The following BLVRB variants were observed in gnomAD, a reference collection of about 807,000 sequenced individuals.
The protein encoded by BLVRB is biliverdin reductase B.
A neutral mutation model predicts 21.1 loss-of-function variants in BLVRB; 25 were observed. That is an observed-to-expected ratio of 1.19 (90% CI 0.86 to 1.66). BLVRB has a LOEUF of 1.66. Among genes scored for constraint, BLVRB ranks in the 40% most tolerant of loss-of-function variants. The pLI is 0.00. For missense variants in BLVRB, 274 were observed against 282.7 expected (o/e 0.97, Z 0.22); for synonymous variants, 128 against 122.2 (o/e 1.05, Z -0.31).
chr19:40,461,673 TGTATTTTTA>T (rs1254782361), intron 1 of BLVRB, among the ~76,000 whole-genome samples: 8 of 151,918 alleles, frequency 5.3e-5, no homozygotes, highest in Admixed American at 1.3e-4. Flanking sequence ...CTAATTTTTT[TGTATTTTTA>T]GTAGAGATGG....
chr19:40,458,658 G>C, intron 1 of BLVRB, 113 bp from the exon 2 acceptor site: 5 of 1,322,890 alleles, frequency 3.8e-6, no homozygotes, highest in Non-Finnish European at 5.0e-6. Context: ...CCTCTGTTCT[G>C]GGGAAGTGGT....
intron 1 of BLVRB, among the ~76,000 whole-genome samples, chr19:40,461,683 G>T (rs2079788410): frequency 6.6e-6 from 1 of 151,714 alleles, no homozygotes. Context: ...TGTATTTTTA[G>T]TAGAGATGGG....
chr19:40,456,265 A>G (rs2079761805), intron 3 of BLVRB, among the ~76,000 whole-genome samples: 1 of 152,034 alleles, frequency 6.6e-6, no homozygotes. Flanking sequence ...TCATTTCCAG[A>G]TAAAAAGTTA....
chr19:40,450,280 C>G (rs537510614), intron 4 of BLVRB: 2 of 127,284 alleles, frequency 1.6e-5, no homozygotes, highest in Non-Finnish European at 3.2e-5. Flanking sequence ...CCGAGGCGGG[C>G]GGATCACAAG....
chr19:40,450,233 C>G (rs557163057), intron 4 of BLVRB: 1 of 106,086 alleles, frequency 9.4e-6, no homozygotes, highest in Non-Finnish European at 1.9e-5. Context: ...AAGCCAGGCG[C>G]AGTGGCTCAC....
chr19:40,452,838 T>G (rs2079745909), intron 3 of BLVRB, among the ~76,000 whole-genome samples: 1 of 150,556 alleles, frequency 6.6e-6, no homozygotes, highest in Admixed American at 6.6e-5. Context: ...GCACTCCAGC[T>G]TGGGAGACAG....
Position 40,447,831 on chromosome 19 carries a change from C to A in BLVRB, c.*58G>T. 1 of 1,570,606 alleles carries A rather than the reference C, an allele frequency of 6.4e-7. No homozygotes were observed. The highest frequency in any genetic ancestry group is 8.7e-7 in the Non-Finnish European group (1 of 1,147,266). ...GAAGCTCTTGGCTCAACATTTATTG[C>A]CCCCTTCCTTTGCTCCTCATGTCCC... On this transcript the variant is annotated 3_prime_UTR_variant, in exon 5 of 5. Transcript: ENST00000263368.
intron 1 of BLVRB, among the ~76,000 whole-genome samples, chr19:40,459,666 G>A (rs1397758776): frequency 1.3e-5 from 2 of 152,074 alleles, no homozygotes; most frequent in Non-Finnish European, 2.9e-5. Context: ...CGCCTCCCAA[G>A]TTCAAGCGAT....
At position 40,448,010 on chromosome 19, in the gene BLVRB, A is replaced by G. The variant is rs1272603636; in HGVS notation, c.500T>C (p.Leu167Pro). ...QPLTGAYTVT[L>P]DGRGPSRVIS... is the part of the protein sequence containing the mutation. ...GACCCTTGAGGGCCCTCGTCCATCC[A>G]GGGTCACTGTGTACGCCCCAGTTAG... Residue 167 changes from leucine to proline, a missense_variant, in exon 5 of 5, where the codon CTG becomes CCG. Leu to Pro is a moderately conservative substitution (Grantham distance 98, BLOSUM62 -3). Coordinates refer to ENST00000263368, the MANE Select transcript of BLVRB (RefSeq NM_000713.3). The G allele has an allele frequency of 3.1e-6, 5 of 1,613,976 alleles. No homozygotes were observed. The highest frequency in any genetic ancestry group is 4.2e-6 in the Non-Finnish European group (5 of 1,180,018).
intron 1 of BLVRB, among the ~76,000 whole-genome samples, chr19:40,463,202 G>C (rs1568741495): frequency 6.6e-6 from 1 of 152,048 alleles, no homozygotes; most frequent in African/African-American, 2.4e-5. Context: ...AGGCAACCGG[G>C]CCAGGATCAC....
At chr19:40,453,987 C>T (rs541057010) in intron 3 of BLVRB, among the ~76,000 whole-genome samples, 8 of 152,088 alleles carry the variant, frequency 5.3e-5, no homozygotes, top group African/African-American at 1.4e-4. Context: ...CTTGTCTCAA[C>T]AAAAAGAAAT....
At chr19:40,448,954 G>T (rs1396914591) in intron 4 of BLVRB, among the ~76,000 whole-genome samples, 1 of 152,090 alleles carries the variant, frequency 6.6e-6, no homozygotes, top group African/African-American at 2.4e-5. Flanking sequence ...GAGTGTGGTG[G>T]CTTATGCCTG....
intron 1 of BLVRB, among the ~76,000 whole-genome samples, chr19:40,463,928 C>T (rs375932961): frequency 1.3e-4 from 19 of 151,918 alleles, no homozygotes; most frequent in African/African-American, 3.9e-4. Context: ...CCACCATGCC[C>T]GGCTAATTTT....
chr19:40,455,392 T>C (rs2079758137), intron 3 of BLVRB, among the ~76,000 whole-genome samples: 1 of 152,234 alleles, frequency 6.6e-6, no homozygotes, highest in Admixed American at 6.5e-5. Context: ...CGAAGGTGTC[T>C]GTGGGTGTGC....
Position 40,452,556 on chromosome 19 carries a change from G to A in BLVRB, c.335-1064C>T, listed in dbSNP as rs905040423. The stretch of plus-strand genomic sequence containing the variant: ...AGTGCAATGGCATGATACCGGCCAA[G>A]CCTGGCTAATTTAAAAAATTTTTTT... On this transcript the variant is annotated intron_variant, in intron 3 of 4. Transcript: ENST00000263368. Among the ~76,000 whole-genome samples the A allele has an allele frequency of 4.6e-5, 7 of 151,452 alleles. No individual in the cohort carries two copies. In the South Asian group the frequency reaches 1.3e-3, roughly 27 times the overall value.
At chr19:40,460,907 G>T (rs1478474073) in intron 1 of BLVRB, among the ~76,000 whole-genome samples, 1 of 152,190 alleles carries the variant, frequency 6.6e-6, no homozygotes, top group Non-Finnish European at 1.5e-5. Context: ...AGGAGGTAGA[G>T]ATTGCAGTCA....
In BLVRB at chr19:40,452,478, AT is replaced by A. The variant is rs1276313325; in HGVS notation, c.335-987del. On this transcript the variant is annotated intron_variant, in intron 3 of 4. Coordinates refer to ENST00000263368, the MANE Select transcript of BLVRB (RefSeq NM_000713.3). Reference sequence around the variant, plus strand: ...CAGGGGTGAGCCACCAAACCCCACTATTTTTTTTTTTTTTTGAGACAGAGTT... The same window carrying A: ...CAGGGGTGAGCCACCAAACCCCACTATTTTTTTTTTTTTTGAGACAGAGTT... Among the ~76,000 whole-genome samples the A allele has an allele frequency of 2.9e-3, 400 of 137,690 alleles. 1 individual carries two copies. The highest frequency in any genetic ancestry group is 4.8e-3 in the East Asian group (23 of 4,772). 90.3% of individuals were successfully genotyped at this position (137,690 alleles called of 152,430 possible). A position where few individuals can be genotyped will look rare whatever the true frequency, so the allele number is the denominator to read the frequency against.
chr19:40,451,264 G>T (rs2079738357), intron 4 of BLVRB, 100 bp downstream of exon 4: 2 of 1,508,414 alleles, frequency 1.3e-6, no homozygotes, highest in Admixed American at 4.2e-5. Flanking sequence ...AGGAAGGTTT[G>T]CAATTTTAGG....
At chr19:40,453,080 A>T in intron 3 of BLVRB, among the ~76,000 whole-genome samples, 1 of 152,154 alleles carries the variant, frequency 6.6e-6, no homozygotes, top group African/African-American at 2.4e-5. Context: ...AAAGAAAAAA[A>T]CATTTTTTTT....
Sources: gnomAD v4.1 joint callset for allele counts (sites outside exome capture counted in the v4.1 genomes callset) on GRCh38, gnomAD v4.1.1 for gene constraint, MANE v1.5 for transcripts, NCBI Gene and HGNC (gene_info 2026-07-23, HGNC 2026-07-21) for gene names.